ADAM2: variants seen among roughly 807,000 people sequenced by gnomAD.
ADAM2 encodes disintegrin and metalloproteinase domain-containing protein 2.
Under a neutral mutation model 99.3 loss-of-function variants are expected in ADAM2, and 101 were observed. The ratio of observed to expected loss-of-function variants is 1.02; its 90% CI spans 0.87 to 1.20. The LOEUF (loss-of-function observed/expected upper bound fraction) is 1.20. ADAM2 is among the 50% of genes most tolerant of loss of function. The probability of loss-of-function intolerance (pLI) is 0.00; values close to 1 mark genes in which losing one functional copy is unlikely to be tolerated. For synonymous variants in ADAM2, 323 were observed against 287.6 expected, an observed-to-expected ratio of 1.12 and a Z score of -1.25; for missense variants, 948 against 878.7, an observed-to-expected ratio of 1.08 and a Z score of -1.00.
intron 16 of ADAM2, among the ~76,000 whole-genome samples, chr8:39,753,017 T>G (rs904933705): frequency 6.6e-6 from 1 of 152,108 alleles, no homozygotes; most frequent in Non-Finnish European, 1.5e-5. Flanking sequence ...AGTGCTGCTG[T>G]GAAAATACTA....
chr8:39,832,305 T>C (rs2129589257), intron 3 of ADAM2, among the ~76,000 whole-genome samples: 2 of 152,284 alleles, frequency 1.3e-5, no homozygotes, highest in Non-Finnish European at 2.9e-5. Context: ...ACCCTGAGTG[T>C]CTATAAACTG....
At chr8:39,748,057 A>G (rs1823547476) in intron 18 of ADAM2, among the ~76,000 whole-genome samples, 1 of 152,150 alleles carries the variant, frequency 6.6e-6, no homozygotes, top group Admixed American at 6.6e-5. Flanking sequence ...TTTTGCTCAC[A>G]ATTTTGTTGG....
At chr8:39,791,395 G>C (rs1586107162) in intron 7 of ADAM2, among the ~76,000 whole-genome samples, 1 of 152,166 alleles carries the variant, frequency 6.6e-6, no homozygotes, top group Admixed American at 6.6e-5. Flanking sequence ...ACTGGGTGCT[G>C]CCTGGTTCAT....
Position 39,769,630 on chromosome 8 carries a change from C to T in ADAM2, c.1029-55G>A, listed in dbSNP as rs111942953. On this transcript the variant is annotated intron_variant, in intron 11 of 20. Coordinates refer to ENST00000265708, the MANE Select transcript of ADAM2 (RefSeq NM_001464.5). ...TGTAAGGGTTTCCATAAACTACCTA[C>T]CCTTAGAATAAACCTATACAACAGC... The T allele has an allele frequency of 3.3e-5, 41 of 1,239,092 alleles. No individual in the cohort carries two copies. The African/African-American group carries it at 4.9e-4, about 15-fold the overall frequency. 76.8% of individuals were successfully genotyped at this position (1,239,092 alleles called of 1,614,324 possible).
chr8:39,787,781 A>T (rs1250989773), intron 9 of ADAM2, among the ~76,000 whole-genome samples: 1 of 151,714 alleles, frequency 6.6e-6, no homozygotes, highest in Non-Finnish European at 1.5e-5. Flanking sequence ...TAGAATTCAG[A>T]TGTTTCTCCA....
At position 39,821,246 on chromosome 8, in the gene ADAM2, T is replaced by G. The variant is rs1805176114; in HGVS notation, c.345-76A>C. The G allele has an allele frequency of 9.9e-6, 10 of 1,014,890 alleles. No homozygotes were observed. The South Asian group carries it at 1.4e-4, about 14-fold the overall frequency. The allele number at this position is 1,014,890 out of a possible 1,614,324, so 62.9% of individuals were successfully genotyped here. The stretch of plus-strand genomic sequence containing the variant: ...GCCAATAAAATGCCACTTAGCATTA[T>G]TTTTTCATGGTATGCAGATTATTTT... On this transcript the variant is annotated intron_variant, in intron 5 of 20. Coordinates refer to ENST00000265708, the MANE Select transcript of ADAM2 (RefSeq NM_001464.5).
At chr8:39,799,846 AG>A (rs1271001985) in intron 7 of ADAM2, among the ~76,000 whole-genome samples, 2 of 152,324 alleles carry the variant, frequency 1.3e-5, no homozygotes, top group African/African-American at 4.8e-5. Context: ...GTCAGAGACT[AG>A]GAATACAACC....
chr8:39,808,699 C>T (rs532915382), intron 7 of ADAM2, among the ~76,000 whole-genome samples: 17 of 152,158 alleles, frequency 1.1e-4, no homozygotes, highest in East Asian at 3.9e-4. Flanking sequence ...AGGTGGATCA[C>T]GAGGTAAAGA....
intron 3 of ADAM2, among the ~76,000 whole-genome samples, chr8:39,830,148 T>C (rs534095992): frequency 6.6e-6 from 1 of 152,266 alleles, no homozygotes; most frequent in South Asian, 2.1e-4. Context: ...TGTATGCCAA[T>C]TTTATTATGC....
intron 7 of ADAM2, among the ~76,000 whole-genome samples, chr8:39,806,102 G>T (rs1804425459): frequency 1.3e-5 from 2 of 152,238 alleles, no homozygotes; most frequent in Non-Finnish European, 2.9e-5. Context: ...AAACTGCCTG[G>T]ATATTGAATA....
At chr8:39,747,998 A>G (rs1417371294) in intron 18 of ADAM2, among the ~76,000 whole-genome samples, 1 of 152,138 alleles carries the variant, frequency 6.6e-6, no homozygotes, top group South Asian at 2.1e-4. Context: ...TTTATTATTT[A>G]TTGCTGTATA....
intron 6 of ADAM2, among the ~76,000 whole-genome samples, chr8:39,810,253 A>C (rs1449111552): frequency 1.3e-5 from 2 of 152,166 alleles, no homozygotes; most frequent in Admixed American, 1.3e-4. Context: ...AATATATATG[A>C]GCCAAATACA....
chr8:39,767,748 T>G (rs1341134827), intron 12 of ADAM2, among the ~76,000 whole-genome samples: 1 of 152,192 alleles, frequency 6.6e-6, no homozygotes, highest in East Asian at 1.9e-4. Flanking sequence ...CTGAGAATGC[T>G]GAAGTTGTCA....
At chr8:39,800,016 C>A (rs1177306725) in intron 7 of ADAM2, among the ~76,000 whole-genome samples, 1 of 152,204 alleles carries the variant, frequency 6.6e-6, no homozygotes, top group African/African-American at 2.4e-5. Context: ...GGACATTTAG[C>A]TCATTTACAC....
intron 10 of ADAM2, among the ~76,000 whole-genome samples, chr8:39,783,206 AT>A (rs1803305287): frequency 6.6e-6 from 1 of 152,164 alleles, no homozygotes; most frequent in Admixed American, 6.5e-5. Flanking sequence ...GATTTCAATC[AT>A]TTAATATTTA....
intron 6 of ADAM2, among the ~76,000 whole-genome samples, chr8:39,814,203 CA>C (rs1378809235): frequency 6.6e-6 from 1 of 151,744 alleles, no homozygotes; most frequent in East Asian, 1.9e-4. Context: ...ACTAAAAATA[CA>C]AAAAATTAGC....
chr8:39,754,680 C>T (rs1273173509), intron 16 of ADAM2, among the ~76,000 whole-genome samples: 2 of 152,146 alleles, frequency 1.3e-5, no homozygotes, highest in Non-Finnish European at 2.9e-5. Context: ...GTAAAGTTAG[C>T]ATAGTTTTCC....
At chr8:39,834,042 A>T (rs777832239) in intron 2 of ADAM2, 43 bp from the exon 3 acceptor site, 11 of 1,135,354 alleles carry the variant, frequency 9.7e-6, no homozygotes, top group Non-Finnish European at 1.4e-5. Context: ...AATGAAAAAA[A>T]ATGTTAGAAG....
rs2129585270 is a variant in ADAM2 at position 39,786,957 on chromosome 8, A to G, written c.891+17T>C. ...CTAATTTATGTAGCATACTTTCTATACATAACCATACCATACCAGAACAAC... is the reference window on the plus strand; with the variant it reads ...CTAATTTATGTAGCATACTTTCTATGCATAACCATACCATACCAGAACAAC... On this transcript the variant is annotated intron_variant, in intron 10 of 20. Transcript: ENST00000265708. 1.3e-6 allele frequency: 2 copies of G among 1,548,112 alleles called. No individual in the cohort carries two copies. Among genetic ancestry groups the G allele is most frequent in the Non-Finnish European group, 1.8e-6 (2 of 1,137,430 alleles).
Sources: allele counts gnomAD v4.1 joint callset (sites outside exome capture counted in the v4.1 genomes callset), GRCh38; gene constraint gnomAD v4.1.1; transcripts MANE v1.5; gene names NCBI Gene and HGNC (gene_info 2026-07-23, HGNC 2026-07-21).